SNTG1: variants seen among roughly 807,000 people sequenced by gnomAD.
The protein encoded by SNTG1 is syntrophin gamma 1, also known as gamma-1-syntrophin.
Under a neutral mutation model 74.7 loss-of-function variants are expected in SNTG1, and 39 were observed. The ratio of observed to expected loss-of-function variants is 0.52; its 90% confidence interval spans 0.40 to 0.68. SNTG1 has a LOEUF of 0.68. SNTG1 is among the 30% of genes least tolerant of loss of function. The pLI is 0.00. For synonymous variants in SNTG1, 254 were observed against 217.1 expected (o/e 1.17, Z -1.49); for missense variants, 685 against 609.5 (o/e 1.12, Z -1.30).
intron 2 of SNTG1, among the ~76,000 whole-genome samples, chr8:50,306,436 T>C (rs1197670120): frequency 6.6e-6 from 1 of 152,098 alleles, no homozygotes; most frequent in Admixed American, 6.6e-5. Flanking sequence ...CTGGATTAAA[T>C]GGTAGATCTA....
chr8:50,504,685 C>T (rs1205454170), intron 9 of SNTG1, among the ~76,000 whole-genome samples: 1 of 152,088 alleles, frequency 6.6e-6, no homozygotes, highest in Non-Finnish European at 1.5e-5. Context: ...CCTGTGGTTC[C>T]AGCTACTTGG....
intron 13 of SNTG1, among the ~76,000 whole-genome samples, chr8:50,605,527 C>T (rs540758136): frequency 1.3e-5 from 2 of 152,054 alleles, no homozygotes; most frequent in Non-Finnish European, 2.9e-5. Context: ...TGCAGCAAAA[C>T]AGTTCAATGG....
intron 5 of SNTG1, among the ~76,000 whole-genome samples, chr8:50,443,096 T>G (rs560403718): frequency 6.6e-6 from 1 of 152,312 alleles, no homozygotes; most frequent in South Asian, 2.1e-4. Context: ...AATTTCTGCA[T>G]CGTAGGATCC....
intron 1 of SNTG1, among the ~76,000 whole-genome samples, chr8:49,988,610 T>G (rs1217808000): frequency 6.6e-6 from 1 of 152,118 alleles, no homozygotes; most frequent in African/African-American, 2.4e-5. Flanking sequence ...TGCTAGAGAT[T>G]ATGCAATCTG....
intron 1 of SNTG1, among the ~76,000 whole-genome samples, chr8:50,066,625 A>G (rs952780870): frequency 6.6e-6 from 1 of 152,226 alleles, no homozygotes; most frequent in African/African-American, 2.4e-5. Context: ...GCAGACATTG[A>G]AGTAAAAACA....
chr8:50,153,465 G>A (rs1432295289), intron 1 of SNTG1, among the ~76,000 whole-genome samples: 1 of 152,196 alleles, frequency 6.6e-6, no homozygotes, highest in African/African-American at 2.4e-5. Flanking sequence ...TCCTTTGGAG[G>A]GGGAGAGGTA....
chr8:50,512,174 A>C (rs1397929015), intron 9 of SNTG1, among the ~76,000 whole-genome samples: 1 of 151,720 alleles, frequency 6.6e-6, no homozygotes, highest in Non-Finnish European at 1.5e-5. Context: ...TTCACTTATG[A>C]AGCTTAGTTT....
chr8:50,345,581 G>A (rs2130963261), intron 2 of SNTG1, among the ~76,000 whole-genome samples: 1 of 152,234 alleles, frequency 6.6e-6, no homozygotes, highest in African/African-American at 2.4e-5. Flanking sequence ...GGAGGTGGGT[G>A]TATTATGCAT....
intron 5 of SNTG1, among the ~76,000 whole-genome samples, chr8:50,448,563 A>G (rs1015773478): frequency 1.3e-5 from 2 of 152,148 alleles, no homozygotes; most frequent in Non-Finnish European, 2.9e-5. Flanking sequence ...TTTATATATG[A>G]CATTTTATTC....
chr8:50,475,907 C>A (rs148104178), intron 8 of SNTG1, among the ~76,000 whole-genome samples: 1 of 152,104 alleles, frequency 6.6e-6, no homozygotes, highest in Non-Finnish European at 1.5e-5. Flanking sequence ...CCATGGTCAA[C>A]GATGGTACAA....
chr8:50,370,865 A>T (rs779577263), intron 2 of SNTG1, among the ~76,000 whole-genome samples: 1 of 152,122 alleles, frequency 6.6e-6, no homozygotes, highest in Admixed American at 6.5e-5. Context: ...GGATACTAAG[A>T]GTATGGATTA....
chr8:50,518,683 G>T (rs2094154257), intron 9 of SNTG1, among the ~76,000 whole-genome samples: 1 of 152,278 alleles, frequency 6.6e-6, no homozygotes, highest in Middle Eastern at 3.4e-3. Context: ...ACACCTCTAT[G>T]CAAATAAACT....
chr8:50,762,271 G>T (rs559178661), intron 18 of SNTG1, among the ~76,000 whole-genome samples: 2 of 151,906 alleles, frequency 1.3e-5, no homozygotes, highest in African/African-American at 4.8e-5. Context: ...GGTGAATAGC[G>T]ATAGCATTTA....
chr8:50,049,547 T>C (rs1235776482), intron 1 of SNTG1, among the ~76,000 whole-genome samples: 1 of 152,080 alleles, frequency 6.6e-6, no homozygotes, highest in African/African-American at 2.4e-5. Flanking sequence ...ACCATTATAT[T>C]TGAGCACTCA....
At chr8:50,691,747 G>A (rs2095380729) in intron 15 of SNTG1, among the ~76,000 whole-genome samples, 1 of 152,090 alleles carries the variant, frequency 6.6e-6, no homozygotes, top group South Asian at 2.1e-4. Flanking sequence ...TCTTCTTAAG[G>A]AGTATCTTTG....
At chr8:50,418,002 T>C (rs148948547) in intron 4 of SNTG1, among the ~76,000 whole-genome samples, 17 of 152,244 alleles carry the variant, frequency 1.1e-4, no homozygotes, top group Admixed American at 1.0e-3. Flanking sequence ...TAGATCATTC[T>C]GACCAGTGAT....
intron 2 of SNTG1, among the ~76,000 whole-genome samples, chr8:50,241,917 T>C (rs1346125078): frequency 6.6e-6 from 1 of 151,978 alleles, no homozygotes; most frequent in Non-Finnish European, 1.5e-5. Context: ...CTGCCCATGG[T>C]CTTGAGGTTC....
intron 18 of SNTG1, among the ~76,000 whole-genome samples, chr8:50,775,363 ATTTTTTTATT>A (rs1563826883): frequency 6.6e-6 from 1 of 151,560 alleles, no homozygotes; most frequent in African/African-American, 2.4e-5. Context: ...AGTTCAATGT[ATTTTTTTATT>A]TCTTTTGAGA....
intron 13 of SNTG1, among the ~76,000 whole-genome samples, chr8:50,619,698 T>G: frequency 7.0e-6 from 1 of 142,404 alleles, no homozygotes; most frequent in East Asian, 2.1e-4. Context: ...GCCACTGCAC[T>G]GCAGCCTGGG....
Sources: gnomAD v4.1 joint callset for allele counts (sites outside exome capture counted in the v4.1 genomes callset) on GRCh38, gnomAD v4.1.1 for gene constraint, MANE v1.5 for transcripts, NCBI Gene and HGNC (gene_info 2026-07-23, HGNC 2026-07-21) for gene names.